Variants in EVL observed in about 807,000 individuals in gnomAD.
The protein encoded by EVL is ena/VASP-like protein.
EVL carries 21 observed loss-of-function variants against 59.6 expected under a neutral mutation model. The observed-to-expected ratio is 0.35, with a 90% CI of 0.25 to 0.51. EVL has a LOEUF of 0.51. EVL is among the 20% of genes least tolerant of loss of function. EVL has a pLI of 0.97. For missense variants in EVL, 462 were observed against 546.6 expected (o/e 0.85, Z 1.54); for synonymous variants, 198 against 203.5 (o/e 0.97, Z 0.23).
chr14:100,057,037 A>T (rs964853921), intron 1 of EVL, among the ~76,000 whole-genome samples: 3 of 152,202 alleles, frequency 2.0e-5, no homozygotes, highest in Non-Finnish European at 2.9e-5. Flanking sequence ...CTCAGTAAAC[A>T]CTTCATTAAA....
At chr14:100,134,838 G>A (rs1888667728) in intron 8 of EVL, 1 of 152,202 alleles carries the variant, frequency 6.6e-6, no homozygotes, top group Non-Finnish European at 1.5e-5. Context: ...CCCAGGCATG[G>A]CCGCCTCACA....
chr14:100,120,947 C>CG (rs1440552679), intron 3 of EVL, among the ~76,000 whole-genome samples: 3 of 152,180 alleles, frequency 2.0e-5, no homozygotes, highest in Non-Finnish European at 4.4e-5. Context: ...CGTTACCTAA[C>CG]GAGCCGTGGG....
At chr14:100,137,849 C>T (rs746171229) in intron 11 of EVL, 47 bp downstream of exon 11, 5 of 1,565,444 alleles carry the variant, frequency 3.2e-6, no homozygotes, top group South Asian at 1.1e-5. Flanking sequence ...GTTTGGGGCT[C>T]CTCTGTCCCC....
At chr14:100,058,246 G>A (rs1307129222) in intron 1 of EVL, among the ~76,000 whole-genome samples, 1 of 152,212 alleles carries the variant, frequency 6.6e-6, no homozygotes, top group Non-Finnish European at 1.5e-5. Context: ...CACATGGAAA[G>A]CACATCTTTT....
chr14:100,102,970 C>T (rs148763071), intron 3 of EVL, among the ~76,000 whole-genome samples: 107 of 152,020 alleles, frequency 7.0e-4, no homozygotes, highest in African/African-American at 8.0e-4. Flanking sequence ...GGCTTGGTGG[C>T]GTGCACCTCT....
intron 1 of EVL, among the ~76,000 whole-genome samples, chr14:100,000,142 A>G (rs576910196): frequency 1.2e-4 from 18 of 152,338 alleles, no homozygotes; most frequent in African/African-American, 4.3e-4. Flanking sequence ...ACACGTGTCC[A>G]TCACACACCC....
chr14:100,138,180 G>C (rs984837400), intron 11 of EVL: 3 of 311,032 alleles, frequency 9.6e-6, no homozygotes, highest in Non-Finnish European at 1.8e-5. Context: ...GTGGTGGTGG[G>C]GACAGCTGTG....
chr14:100,071,560 G>T (rs976414763), intron 1 of EVL, among the ~76,000 whole-genome samples: 2 of 152,150 alleles, frequency 1.3e-5, no homozygotes, highest in Non-Finnish European at 2.9e-5. Flanking sequence ...TTCAAATAAG[G>T]TGAATATGGA....
intron 1 of EVL, among the ~76,000 whole-genome samples, chr14:99,992,566 T>C (rs1258651770): frequency 6.6e-6 from 1 of 152,238 alleles, no homozygotes; most frequent in African/African-American, 2.4e-5. Flanking sequence ...ATAGGTGTTA[T>C]GTTTAGGTCT....
chr14:100,021,830 C>T (rs747994045), intron 1 of EVL, among the ~76,000 whole-genome samples: 16 of 152,032 alleles, frequency 1.1e-4, no homozygotes, highest in Admixed American at 2.0e-4. Context: ...GGTGGAGGTA[C>T]GGGTAAGAAA....
At chr14:100,066,738 A>G (rs2061937360) in intron 1 of EVL, among the ~76,000 whole-genome samples, 1 of 152,238 alleles carries the variant, frequency 6.6e-6, no homozygotes, top group Non-Finnish European at 1.5e-5. Context: ...CTAATTGCAG[A>G]AAATTATATC....
intron 13 of EVL, among the ~76,000 whole-genome samples, chr14:100,142,955 A>T (rs1348765672): frequency 6.6e-6 from 1 of 152,142 alleles, no homozygotes; most frequent in Admixed American, 6.5e-5. Context: ...CATGGGCCAT[A>T]CCAGGGGCTC....
At position 100,141,945 on chromosome 14, in the gene EVL, G is replaced by T; in HGVS notation, c.1219+152G>T. ...TTCATTCTTACCATCTCTAGTTGAG[G>T]AAACAGGCTCAGGAAAGCTGAAAGC... On this transcript the variant is annotated intron_variant, in intron 13 of 13. Transcript: ENST00000392920. 3 of 592,574 alleles carry T rather than the reference G, an allele frequency of 5.1e-6. No individual in the cohort carries two copies. The South Asian group carries it at 8.7e-5, about 17-fold the overall frequency. The allele number at this position is 592,574 out of a possible 1,614,324, so 36.7% of individuals were successfully genotyped here. A position where few individuals can be genotyped will look rare whatever the true frequency, so the allele number is the denominator to read the frequency against.
intron 3 of EVL, among the ~76,000 whole-genome samples, chr14:100,117,255 C>G (rs137998953): frequency 3.4e-3 from 513 of 152,374 alleles, no homozygotes; most frequent in Non-Finnish European, 6.0e-3. Context: ...CCCTGAGAAC[C>G]TGTCCAGCTC....
chr14:99,999,980 T>C (rs1488021867), intron 1 of EVL, among the ~76,000 whole-genome samples: 1 of 152,236 alleles, frequency 6.6e-6, no homozygotes, highest in Non-Finnish European at 1.5e-5. Context: ...GTTTGCTTGC[T>C]TAACTGTGTT....
chr14:100,132,630 G>A, intron 7 of EVL, 89 bp from the exon 8 acceptor site: 2 of 1,410,264 alleles, frequency 1.4e-6, no homozygotes, highest in Non-Finnish European at 2.0e-6. Context: ...GAGGACCGGG[G>A]TGAGTCTGGC....
intron 1 of EVL, among the ~76,000 whole-genome samples, chr14:99,987,423 A>G (rs565759624): frequency 1.3e-5 from 2 of 152,154 alleles, no homozygotes; most frequent in East Asian, 1.9e-4. Context: ...AGGTGGATCA[A>G]CTGAGGTCAG....
In EVL at chr14:100,047,114, CTCTCTTTTTTTTTT is replaced by C. The variant is rs1449266166; in HGVS notation, c.6-37571_6-37558del. ...ATTTTGAGACCTTGGGCAGATCTCT[CTCTCTTTTTTTTTT>C]TTTTTTTTTTTTTTTTTACCTGACC... On this transcript the variant is annotated intron_variant, in intron 1 of 13. Transcript: ENST00000402714. Among the ~76,000 whole-genome samples the C allele has an allele frequency of 9.5e-5, 9 of 95,110 alleles. 1 individual carries two copies. Among genetic ancestry groups the C allele is most frequent in the Middle Eastern group, 6.7e-3 (1 of 150 alleles). The allele number at this position is 95,110 out of a possible 152,430, so 62.4% of individuals were successfully genotyped here. A position where few individuals can be genotyped will look rare whatever the true frequency, so the allele number is the denominator to read the frequency against.
intron 2 of EVL, 94 bp downstream of exon 2, chr14:100,084,949 C>T (rs2062405495): frequency 1.5e-6 from 2 of 1,372,790 alleles, no homozygotes; most frequent in East Asian, 2.3e-5. Context: ...GAGGTCAGAA[C>T]AAAAAGGTCA....
Sources: gnomAD v4.1 joint callset for allele counts (sites outside exome capture counted in the v4.1 genomes callset) on GRCh38, gnomAD v4.1.1 for gene constraint, MANE v1.5 for transcripts, NCBI Gene and HGNC (gene_info 2026-07-23, HGNC 2026-07-21) for gene names.